The following CNTNAP2 variants were observed in gnomAD, a reference collection of about 807,000 sequenced individuals.
CNTNAP2 encodes the protein contactin associated protein 2, also known as contactin-associated protein-like 2.
In CNTNAP2, 98 loss-of-function variants were observed where a neutral mutation model predicts 155.2. The observed-to-expected ratio is 0.63, with a 90% confidence interval of 0.54 to 0.75. The LOEUF (loss-of-function observed/expected upper bound fraction) is 0.75, where lower values mean the gene tolerates loss of function less well. Ranked by LOEUF, CNTNAP2 falls within the 30% of genes least tolerant of loss-of-function variation. The pLI is 0.00. For synonymous variants in CNTNAP2, 651 were observed against 631.2 expected (o/e 1.03, Z -0.47); for missense variants, 1,727 against 1,688.1 (o/e 1.02, Z -0.40).
At chr7:146,849,217 T>G (rs1382834364) in intron 3 of CNTNAP2, among the ~76,000 whole-genome samples, 1 of 152,206 alleles carries the variant, frequency 6.6e-6, no homozygotes, top group East Asian at 1.9e-4. Flanking sequence ...CATTTTTATC[T>G]CTGTGCCATT....
At chr7:146,696,374 C>G (rs556157227) in intron 1 of CNTNAP2, among the ~76,000 whole-genome samples, 6 of 152,168 alleles carry the variant, frequency 3.9e-5, no homozygotes, top group African/African-American at 1.2e-4. Flanking sequence ...GTTAATTACT[C>G]TTTTTCATTT....
chr7:146,148,811 C>A (rs369925811), intron 1 of CNTNAP2, among the ~76,000 whole-genome samples: 1 of 151,948 alleles, frequency 6.6e-6, no homozygotes, highest in Non-Finnish European at 1.5e-5. Context: ...GGAAAGACAT[C>A]GCTAATCAGA....
At chr7:147,800,732 C>T (rs1797970026) in intron 13 of CNTNAP2, among the ~76,000 whole-genome samples, 1 of 152,206 alleles carries the variant, frequency 6.6e-6, no homozygotes, top group South Asian at 2.1e-4. Context: ...ACTGCAAATA[C>T]AGTCATGTGC....
At chr7:146,401,463 T>G (rs1724526) in intron 1 of CNTNAP2, among the ~76,000 whole-genome samples, 23,351 of 152,152 alleles carry the variant, frequency 0.15, 2,771 homozygotes, top group African/African-American at 0.34. Flanking sequence ...TTCCCTCATT[T>G]TTTCCCCGGC....
At chr7:148,390,641 C>A (rs1370792644) in intron 22 of CNTNAP2, among the ~76,000 whole-genome samples, 3 of 152,224 alleles carry the variant, frequency 2.0e-5, no homozygotes, top group African/African-American at 7.2e-5. Flanking sequence ...TTGAAGACAT[C>A]TACCCATAGG....
intron 1 of CNTNAP2, among the ~76,000 whole-genome samples, chr7:146,178,195 G>A (rs775062838): frequency 5.3e-5 from 8 of 151,844 alleles, no homozygotes; most frequent in Admixed American, 3.9e-4. Flanking sequence ...CACCATGCCC[G>A]GCTAATTTTT....
intron 14 of CNTNAP2, among the ~76,000 whole-genome samples, chr7:147,918,733 A>C (rs1269224292): frequency 6.6e-6 from 1 of 152,198 alleles, no homozygotes; most frequent in Non-Finnish European, 1.5e-5. Flanking sequence ...AATAATTCTA[A>C]AGACAGAAAT....
chr7:146,454,561 A>G (rs1005259193), intron 1 of CNTNAP2, among the ~76,000 whole-genome samples: 27 of 151,904 alleles, frequency 1.8e-4, no homozygotes, highest in African/African-American at 6.5e-4. Context: ...AGTCCTCTTT[A>G]GTGTATAAAT....
intron 21 of CNTNAP2, among the ~76,000 whole-genome samples, chr7:148,332,361 G>A (rs1029791606): frequency 1.3e-5 from 2 of 152,120 alleles, no homozygotes. Flanking sequence ...TAGGATAATA[G>A]GATATGATGT....
At chr7:147,134,660 A>G (rs1158909773) in intron 8 of CNTNAP2, among the ~76,000 whole-genome samples, 4 of 151,964 alleles carry the variant, frequency 2.6e-5, no homozygotes, top group Non-Finnish European at 4.4e-5. Context: ...TATGGAAACC[A>G]TAGGACATAA....
At chr7:146,669,742 G>A (rs1800267159) in intron 1 of CNTNAP2, among the ~76,000 whole-genome samples, 1 of 152,114 alleles carries the variant, frequency 6.6e-6, no homozygotes. Flanking sequence ...CTAGGAACTG[G>A]ATATTTAAAA....
intron 2 of CNTNAP2, among the ~76,000 whole-genome samples, chr7:146,835,011 C>T (rs1803588946): frequency 6.6e-6 from 1 of 152,076 alleles, no homozygotes; most frequent in South Asian, 2.1e-4. Flanking sequence ...TGACTTTTGC[C>T]CTCCCCTTGA....
intron 2 of CNTNAP2, among the ~76,000 whole-genome samples, chr7:146,819,847 GC>G: frequency 6.6e-6 from 1 of 152,178 alleles, no homozygotes; most frequent in East Asian, 1.9e-4. Context: ...GTCGCCAGGA[GC>G]TCTCACCCTG....
At chr7:147,212,087 T>C (rs1013645274) in intron 8 of CNTNAP2, among the ~76,000 whole-genome samples, 5 of 151,932 alleles carry the variant, frequency 3.3e-5, no homozygotes, top group Middle Eastern at 3.2e-3. Flanking sequence ...TATTAAAAAG[T>C]CATAAAACAA....
chr7:147,287,031 G>A (rs1379827010), intron 8 of CNTNAP2, among the ~76,000 whole-genome samples: 1 of 152,132 alleles, frequency 6.6e-6, no homozygotes, highest in Non-Finnish European at 1.5e-5. Context: ...TTACGGCATG[G>A]TGAGAAATAT....
intron 1 of CNTNAP2, among the ~76,000 whole-genome samples, chr7:146,589,598 G>T (rs187309738): frequency 6.6e-6 from 1 of 152,108 alleles, no homozygotes; most frequent in Admixed American, 6.5e-5. Context: ...GGGGCCTGTT[G>T]GGGTTTGGGG....
chr7:147,169,142 C>T (rs1304724202), intron 8 of CNTNAP2, among the ~76,000 whole-genome samples: 2 of 152,092 alleles, frequency 1.3e-5, no homozygotes, highest in African/African-American at 4.8e-5. Context: ...ACTACATTTT[C>T]CATTTATCTA....
At chr7:148,057,243 G>A (rs1213224360) in intron 15 of CNTNAP2, among the ~76,000 whole-genome samples, 1 of 151,964 alleles carries the variant, frequency 6.6e-6, no homozygotes, top group Non-Finnish European at 1.5e-5. Flanking sequence ...GTGGGTAGGA[G>A]GGTGCACAAG....
intron 1 of CNTNAP2, among the ~76,000 whole-genome samples, chr7:146,587,652 A>G (rs935611073): frequency 6.6e-6 from 1 of 152,046 alleles, no homozygotes; most frequent in Non-Finnish European, 1.5e-5. Flanking sequence ...TTTGATTAAT[A>G]TACATCTGGT....
Sources: gnomAD v4.1 joint callset for allele counts (sites outside exome capture counted in the v4.1 genomes callset) on GRCh38, gnomAD v4.1.1 for gene constraint, MANE v1.5 for transcripts, NCBI Gene and HGNC (gene_info 2026-07-23, HGNC 2026-07-21) for gene names.